Variants in CCDC192 observed in about 807,000 individuals in gnomAD.
The protein encoded by CCDC192 is coiled-coil domain-containing protein 192.
chr5:127,726,596 G>C (rs1422678439), intron 2 of CCDC192, among the ~76,000 whole-genome samples: 2 of 152,212 alleles, frequency 1.3e-5, no homozygotes, highest in Non-Finnish European at 2.9e-5. Flanking sequence ...GGGAGGCTGG[G>C]TGGTTTGGGC....
At chr5:127,878,711 A>G (rs1752217007) in intron 6 of CCDC192, among the ~76,000 whole-genome samples, 1 of 151,782 alleles carries the variant, frequency 6.6e-6, no homozygotes, top group South Asian at 2.1e-4. Context: ...TTCCATATGA[A>G]CTTTAAAGTA....
rs114088588 is a variant in CCDC192 at position 127,733,489 on chromosome 5, A to T, written c.115-20779A>T. Among the ~76,000 whole-genome samples the T allele has an allele frequency of 6.4e-3, 975 of 152,326 alleles. 4 individuals carry two copies. The highest frequency in any genetic ancestry group is 8.4e-3 in the Non-Finnish European group (569 of 68,038). ...TAAAGTCACAGAAACAATAAATATA[A>T]TTGAGTCAAGGACCTCGCATCAGTC... is the stretch of plus-strand genomic sequence containing the variant. On this transcript the variant is annotated intron_variant, in intron 2 of 6. Transcript: ENST00000514853.
In CCDC192 at chr5:127,704,005, G is replaced by T. The variant is rs149385345; in HGVS notation, c.62+498G>T. On this transcript the variant is annotated intron_variant, in intron 1 of 6. Coordinates refer to ENST00000514853, the MANE Select transcript of CCDC192 (RefSeq NM_001317938.2). Reference sequence around the variant, plus strand: ...CTAATTGATCTGCATTTAATTACTAGAAATTTTGCATGTTGACACCATACT... The same window carrying T: ...CTAATTGATCTGCATTTAATTACTATAAATTTTGCATGTTGACACCATACT... Among the ~76,000 whole-genome samples the T allele has an allele frequency of 1.7e-3, 266 of 152,260 alleles. 1 individual carries two copies. The highest frequency in any genetic ancestry group is 6.1e-3 in the African/African-American group (252 of 41,548).
chr5:127,899,549 G>A (rs1161453097), intron 6 of CCDC192, among the ~76,000 whole-genome samples: 8 of 132,582 alleles, frequency 6.0e-5, no homozygotes, highest in Non-Finnish European at 1.3e-4. Flanking sequence ...GTAAACCATC[G>A]TCACACTGCA....
chr5:127,738,960 C>G (rs984638129), intron 2 of CCDC192, among the ~76,000 whole-genome samples: 2 of 151,858 alleles, frequency 1.3e-5, no homozygotes, highest in African/African-American at 4.8e-5. Context: ...AGCTTTGTTC[C>G]GTTGCTGGTG....
intron 6 of CCDC192, 62 bp from the exon 7 acceptor site, chr5:127,941,120 G>A (rs1180957405): frequency 1.5e-5 from 6 of 398,574 alleles, no homozygotes; most frequent in African/African-American, 1.2e-4. Flanking sequence ...ATTTTTCCTT[G>A]CTTTGACTTC....
At position 127,752,595 on chromosome 5, in the gene CCDC192, AGCCTACAGAGGCAGGCAG is replaced by A. The variant is rs1358640548; in HGVS notation, c.115-1668_115-1651del. Among the ~76,000 whole-genome samples the A allele has an allele frequency of 2.6e-5, 4 of 152,322 alleles. No individual in the cohort carries two copies. The East Asian group carries it at 7.7e-4, about 29-fold the overall frequency. ...GTCTGTGCCCTGCCCCCAGAGGTGGAGCCTACAGAGGCAGGCAGGCCTCCTTGAGCTGTGGTGGGCTCC... is the reference window on the plus strand; with the variant it reads ...GTCTGTGCCCTGCCCCCAGAGGTGGAGCCTCCTTGAGCTGTGGTGGGCTCC... On this transcript the variant is annotated intron_variant, in intron 2 of 6. Coordinates refer to ENST00000514853, the MANE Select transcript of CCDC192 (RefSeq NM_001317938.2).
At chr5:127,744,119 AAAAG>A (rs1205060046) in intron 2 of CCDC192, among the ~76,000 whole-genome samples, 1 of 151,446 alleles carries the variant, frequency 6.6e-6, no homozygotes, top group Non-Finnish European at 1.5e-5. Context: ...AGGAAAAAAA[AAAAG>A]AAACTATTGA....
At chr5:127,814,271 T>C (rs956365030) in intron 5 of CCDC192, among the ~76,000 whole-genome samples, 6 of 152,214 alleles carry the variant, frequency 3.9e-5, no homozygotes, top group Non-Finnish European at 7.3e-5. Context: ...GTTATTCTTC[T>C]TTGTGGAATT....
intron 5 of CCDC192, among the ~76,000 whole-genome samples, chr5:127,844,680 G>A (rs191141515): frequency 3.3e-5 from 5 of 152,312 alleles, no homozygotes; most frequent in Middle Eastern, 3.4e-3. Flanking sequence ...TTTTGGGGAC[G>A]CAGCAGGATG....
intron 6 of CCDC192, among the ~76,000 whole-genome samples, chr5:127,917,965 C>A (rs907373011): frequency 6.6e-6 from 1 of 151,956 alleles, no homozygotes; most frequent in Non-Finnish European, 1.5e-5. Flanking sequence ...TATAGTGAGA[C>A]CTCGTCTCTA....
chr5:127,869,083 G>A (rs1561531809), intron 5 of CCDC192, among the ~76,000 whole-genome samples: 1 of 152,170 alleles, frequency 6.6e-6, no homozygotes, highest in African/African-American at 2.4e-5. Flanking sequence ...AGCACTTTGG[G>A]AGGCCGAGGC....
intron 5 of CCDC192, among the ~76,000 whole-genome samples, chr5:127,861,690 G>A (rs1751380301): frequency 6.6e-6 from 1 of 151,960 alleles, no homozygotes; most frequent in African/African-American, 2.4e-5. Flanking sequence ...TATTCTCTCT[G>A]TTCCACACCT....
At chr5:127,877,146 T>A (rs981298768) in intron 6 of CCDC192, among the ~76,000 whole-genome samples, 2 of 151,890 alleles carry the variant, frequency 1.3e-5, no homozygotes, top group Admixed American at 6.6e-5. Context: ...GGTGCAAAAA[T>A]ATATATATAT....
chr5:127,761,967 C>G (rs1176290694), intron 3 of CCDC192, among the ~76,000 whole-genome samples: 1 of 152,048 alleles, frequency 6.6e-6, no homozygotes, highest in Non-Finnish European at 1.5e-5. Flanking sequence ...ATAGAAGGAA[C>G]AAAGATACCA....
At chr5:127,839,618 T>A (rs538561012) in intron 5 of CCDC192, among the ~76,000 whole-genome samples, 3 of 152,222 alleles carry the variant, frequency 2.0e-5, no homozygotes, top group Admixed American at 2.0e-4. Flanking sequence ...AAGATATAAT[T>A]ATGGAGAAAA....
chr5:127,714,849 G>A (rs1034589956), intron 2 of CCDC192, among the ~76,000 whole-genome samples: 1 of 152,044 alleles, frequency 6.6e-6, no homozygotes, highest in Non-Finnish European at 1.5e-5. Flanking sequence ...ATATCTTATT[G>A]TGGTTTTGAT....
chr5:127,789,934 G>T (rs949744033), intron 3 of CCDC192, among the ~76,000 whole-genome samples: 1 of 152,236 alleles, frequency 6.6e-6, no homozygotes, highest in Non-Finnish European at 1.5e-5. Flanking sequence ...AGATCCTCGT[G>T]TGGTAGAGCC....
intron 6 of CCDC192, chr5:127,935,094 A>G (rs940716595): frequency 2.6e-5 from 4 of 152,222 alleles, no homozygotes; most frequent in African/African-American, 9.7e-5. Context: ...GGAAAAGTAA[A>G]CCTTCATGAG....
Sources: gnomAD v4.1 joint callset for allele counts (sites outside exome capture counted in the v4.1 genomes callset) on GRCh38, gnomAD v4.1.1 for gene constraint, MANE v1.5 for transcripts, NCBI Gene and HGNC (gene_info 2026-07-23, HGNC 2026-07-21) for gene names.